ZNF676: variants seen among roughly 807,000 people sequenced by gnomAD.
ZNF676 encodes the protein zinc finger protein 676.
A neutral mutation model predicts 6.0 loss-of-function variants in ZNF676; 4 were observed. The observed-to-expected ratio is 0.67, with a 90% CI of 0.33 to 1.53. The LOEUF (loss-of-function observed/expected upper bound fraction) is 1.53, where lower values mean the gene tolerates loss of function less well. ZNF676 is among the 40% of genes most tolerant of loss of function. The pLI, the probability that ZNF676 is intolerant of heterozygous loss-of-function variation, is 0.06. For missense variants in ZNF676, 644 were observed against 679.7 expected (o/e 0.95, Z 0.58); for synonymous variants, 198 against 223.1 (o/e 0.89, Z 1.00).
chr19:22,208,965 C>G (rs935761504), intron 1 of ZNF676, among the ~76,000 whole-genome samples: 1 of 151,652 alleles, frequency 6.6e-6, no homozygotes. Flanking sequence ...AATAAAAAAC[C>G]TAATAAAAAC....
chr19:22,259,893 A>C, the ZNF676 span: 1 of 152,214 alleles, frequency 6.6e-6, no homozygotes, highest in Non-Finnish European at 1.5e-5. Context: ...CACCTTAGTT[A>C]TGAGCACAGA....
the ZNF676 span, among the ~76,000 whole-genome samples, chr19:22,253,370 G>GTATATATATATATATATATATATATA: frequency 1.0e-4 from 6 of 60,096 alleles, no homozygotes; most frequent in Admixed American, 4.2e-4. Flanking sequence ...GTGTGTGTGT[G>GTATATATATATATATATATATATATA]TGTATATATA....
the ZNF676 span, among the ~76,000 whole-genome samples, chr19:22,247,488 C>G: frequency 1.3e-5 from 2 of 151,364 alleles, no homozygotes; most frequent in African/African-American, 4.9e-5. Context: ...CACTTGAACA[C>G]GGGAGGCAGA....
Position 22,196,751 on chromosome 19 carries a change from T to G in ZNF676, c.-118A>C. ...CCTGGAAAACACACACAAACACATA[T>G]ATTTACCAATTGGTCATGGGCAGAA... On this transcript the variant is annotated 5_prime_UTR_variant, in exon 1 of 3. Coordinates refer to ENST00000397121, the MANE Select transcript of ZNF676 (RefSeq NM_001001411.3). The G allele has an allele frequency of 6.3e-7, 1 of 1,575,314 alleles. No homozygotes were observed.
the ZNF676 span, among the ~76,000 whole-genome samples, chr19:22,252,253 G>C: frequency 1.4e-4 from 22 of 152,114 alleles, no homozygotes; most frequent in African/African-American, 4.8e-4. Context: ...AAATCAGCTG[G>C]GCATGGTGGT....
intron 1 of ZNF676, among the ~76,000 whole-genome samples, chr19:22,207,228 CA>C (rs1449702258): frequency 6.6e-6 from 1 of 152,168 alleles, no homozygotes; most frequent in Non-Finnish European, 1.5e-5. Flanking sequence ...TTTAAACTGA[CA>C]AACAACTTCA....
intron 1 of ZNF676, chr19:22,215,541 G>C: frequency 6.9e-7 from 1 of 1,453,780 alleles, no homozygotes; most frequent in Non-Finnish European, 9.6e-7. Context: ...GGAGCTGACT[G>C]CGGGTAGGCT....
At chr19:22,248,950 G>A in the ZNF676 span, among the ~76,000 whole-genome samples, 13 of 152,060 alleles carry the variant, frequency 8.5e-5, no homozygotes, top group Non-Finnish European at 1.6e-4. Flanking sequence ...GGCTGGTCTC[G>A]AACTCCTGAC....
chr19:22,222,866 C>G, the ZNF676 span, among the ~76,000 whole-genome samples: 1 of 152,136 alleles, frequency 6.6e-6, no homozygotes, highest in East Asian at 1.9e-4. Context: ...AGAGCAGACA[C>G]TAGGGGAAGT....
intron 1 of ZNF676, among the ~76,000 whole-genome samples, chr19:22,194,168 A>G (rs778221886): frequency 3.2e-4 from 49 of 152,158 alleles, no homozygotes; most frequent in Admixed American, 2.0e-4. Flanking sequence ...CTTGGAGCAC[A>G]ATTCCTGAAG....
At chr19:22,226,659 C>G in the ZNF676 span, among the ~76,000 whole-genome samples, 2 of 150,474 alleles carry the variant, frequency 1.3e-5, no homozygotes, top group African/African-American at 2.4e-5. Context: ...TGCAGTGGCA[C>G]AATCTCAATT....
At chr19:22,238,506 T>C in the ZNF676 span, among the ~76,000 whole-genome samples, 2 of 152,086 alleles carry the variant, frequency 1.3e-5, no homozygotes, top group Non-Finnish European at 2.9e-5. Flanking sequence ...CTTAGCATTT[T>C]TGGGTCTAAT....
intron 2 of ZNF676, among the ~76,000 whole-genome samples, chr19:22,185,819 T>TA (rs1169884332): frequency 6.6e-6 from 1 of 151,800 alleles, no homozygotes; most frequent in Non-Finnish European, 1.5e-5. Context: ...AAAGCAAGAA[T>TA]ACAAGATTAG....
chr19:22,183,022 G>C (rs1476599064), intron 2 of ZNF676, among the ~76,000 whole-genome samples: 1 of 151,934 alleles, frequency 6.6e-6, no homozygotes, highest in Non-Finnish European at 1.5e-5. Context: ...ACATAATAAG[G>C]AGGACTTTTT....
At chr19:22,216,172 C>T (rs149697837), upstream of ZNF676, among the ~76,000 whole-genome samples, 75 of 152,314 alleles carry the variant, frequency 4.9e-4, no homozygotes, top group African/African-American at 1.8e-3. Context: ...CAGTGGCTTA[C>T]GCCTTTAATC....
At chr19:22,245,813 A>G in the ZNF676 span, among the ~76,000 whole-genome samples, 1 of 152,158 alleles carries the variant, frequency 6.6e-6, no homozygotes. Flanking sequence ...CACAATACAC[A>G]GCATATCCAG....
intron 1 of ZNF676, among the ~76,000 whole-genome samples, chr19:22,205,350 C>T (rs1469710000): frequency 6.6e-6 from 1 of 152,062 alleles, no homozygotes; most frequent in Non-Finnish European, 1.5e-5. Flanking sequence ...AATACCATAA[C>T]ATACATTCTT....
At position 22,196,723 on chromosome 19, in the gene ZNF676, C is replaced by T; in HGVS notation, c.-90G>A. 1 of 1,606,050 alleles carries T rather than the reference C, an allele frequency of 6.2e-7. No homozygotes were observed. Among genetic ancestry groups the T allele is most frequent in the East Asian group, 2.2e-5 (1 of 44,816 alleles). ...ATGGCCACATCCCTAAATGTCAATG[C>T]TCCCTGGAAAACACACACAAACACA... On this transcript the variant is annotated 5_prime_UTR_variant, in exon 1 of 3. Coordinates refer to ENST00000397121, the MANE Select transcript of ZNF676 (RefSeq NM_001001411.3).
In ZNF676 at chr19:22,196,839, T is replaced by C. The variant is rs2023972388; in HGVS notation, c.-206A>G. ...GAGAGCTGGTTCTGACTTATATGAATGACTGAAATTATTCAATAAAATAGT... is the reference window on the plus strand; with the variant it reads ...GAGAGCTGGTTCTGACTTATATGAACGACTGAAATTATTCAATAAAATAGT... On this transcript the variant is annotated 5_prime_UTR_variant, in exon 1 of 3. Transcript: ENST00000397121. The C allele has an allele frequency of 1.0e-6, 1 of 965,138 alleles. No homozygotes were observed. The highest frequency in any genetic ancestry group is 1.6e-5 in the African/African-American group (1 of 60,706). 59.8% of individuals were successfully genotyped at this position (965,138 alleles called of 1,614,324 possible).
Sources: allele counts gnomAD v4.1 joint callset (sites outside exome capture counted in the v4.1 genomes callset), GRCh38; gene constraint gnomAD v4.1.1; transcripts MANE v1.5; gene names NCBI Gene and HGNC (gene_info 2026-07-23, HGNC 2026-07-21).